CFAP74: variants seen among roughly 807,000 people sequenced by gnomAD.
CFAP74 encodes cilia- and flagella-associated protein 74.
Under a neutral mutation model 188.9 loss-of-function variants are expected in CFAP74, and 124 were observed. The observed-to-expected ratio is 0.66, with a 90% CI of 0.57 to 0.76. The LOEUF is 0.76. Ranked by LOEUF, CFAP74 falls within the 30% of genes least tolerant of loss-of-function variation. The pLI is 0.00. For missense variants in CFAP74, 2,198 were observed against 2,165.2 expected, an observed-to-expected ratio of 1.02 and a Z score of -0.30; for synonymous variants, 956 against 916.7, an observed-to-expected ratio of 1.04 and a Z score of -0.77.
rs1162829555 is a variant in CFAP74 at position 1,927,708 on chromosome 1, A to G, written c.3426T>C (p.His1142=). ...KNMAPQRKDL[H]GLSFSVLRAQ... ...CTCGAAGAACGGAGAATGACAGTCC[A>G]TGCAGGTCCTTCCTCTGGGGGGCCA... Residue 1142 remains histidine (H), a synonymous_variant, in exon 28 of 39, where the codon CAT becomes CAC. Coordinates refer to ENST00000682832, the MANE Select transcript of CFAP74 (RefSeq NM_001304360.2). 7.1e-6 allele frequency: 11 copies of G among 1,550,052 alleles called. No individual in the cohort carries two copies. The highest frequency in any genetic ancestry group is 6.8e-5 in the African/African-American group (5 of 73,056).
intron 6 of CFAP74, 137 bp downstream of exon 6, chr1:1,985,249 G>A (rs1657157477): frequency 2.9e-6 from 2 of 678,564 alleles, no homozygotes; most frequent in South Asian, 3.5e-5. Context: ...TGCATTCACC[G>A]AGTCCCCTTT....
At chr1:1,951,402 T>C (rs1654194609) in intron 18 of CFAP74, among the ~76,000 whole-genome samples, 2 of 152,314 alleles carry the variant, frequency 1.3e-5, no homozygotes. Context: ...GCCTCACTTG[T>C]TGAAAAGACT....
At chr1:1,991,028 C>A in intron 1 of CFAP74, 53 bp from the exon 2 acceptor site, 1 of 1,237,082 alleles carries the variant, frequency 8.1e-7, no homozygotes, top group Non-Finnish European at 1.1e-6. Flanking sequence ...ATTTAAAAGA[C>A]GGTGAATTAA....
At chr1:1,951,510 A>G (rs2490564) in intron 18 of CFAP74, among the ~76,000 whole-genome samples, 125,221 of 152,168 alleles carry the variant, frequency 0.82, 51,679 homozygotes, top group East Asian at 0.86. Flanking sequence ...TTGGGTCTCT[A>G]TCTCTGTTCA....
chr1:1,977,696 C>T (rs1437749012), intron 6 of CFAP74, among the ~76,000 whole-genome samples: 1 of 152,180 alleles, frequency 6.6e-6, no homozygotes, highest in Admixed American at 6.5e-5. Context: ...CACCAGCTCA[C>T]CCACCCACTG....
At chr1:1,996,417 A>G (rs1657914528) in intron 1 of CFAP74, among the ~76,000 whole-genome samples, 1 of 152,206 alleles carries the variant, frequency 6.6e-6, no homozygotes. Context: ...TTAGGCAAAA[A>G]GCAGGAACGG....
intron 18 of CFAP74, among the ~76,000 whole-genome samples, chr1:1,949,002 C>T (rs1654015125): frequency 1.1e-5 from 1 of 87,202 alleles, no homozygotes; most frequent in Non-Finnish European, 2.3e-5. Flanking sequence ...TCATTCCCTT[C>T]CTTCCCCTTC....
At chr1:1,995,799 T>A (rs1657886680) in intron 1 of CFAP74, among the ~76,000 whole-genome samples, 1 of 150,910 alleles carries the variant, frequency 6.6e-6, no homozygotes, top group Admixed American at 6.6e-5. Context: ...TCCCAGCTAC[T>A]CAGGAGGCTG....
chr1:1,945,350 C>T (rs1653679289), intron 20 of CFAP74, among the ~76,000 whole-genome samples: 1 of 152,116 alleles, frequency 6.6e-6, no homozygotes, highest in South Asian at 2.1e-4. Flanking sequence ...CAGCAAGCCC[C>T]GGGCTGGGGA....
At chr1:2,001,913 C>T (rs987671315) in intron 1 of CFAP74, among the ~76,000 whole-genome samples, 8 of 152,136 alleles carry the variant, frequency 5.3e-5, no homozygotes, top group Non-Finnish European at 1.0e-4. Flanking sequence ...GTCATGACAG[C>T]CAAAGCAAGG....
At position 1,942,093 on chromosome 1, in the gene CFAP74, G is replaced by C; in HGVS notation, c.2550C>G (p.Leu850=). 6.5e-7 allele frequency: 1 copy of C among 1,532,544 alleles called. No individual in the cohort carries two copies. The highest frequency in any genetic ancestry group is 8.7e-7 in the Non-Finnish European group (1 of 1,145,492). The allele number at this position is 1,532,544 out of a possible 1,614,324, so 94.9% of individuals were successfully genotyped here. Residue 850 remains leucine (L), a synonymous_variant, in exon 22 of 39, where the codon CTC becomes CTG. Transcript: ENST00000682832. The surrounding 1 kb of genome is among the most constrained non-coding windows in gnomAD (Gnocchi z 4.3). ...VCKELRAHLE[L]LPKTGYIQAQ... is the part of the protein sequence containing the mutation. ...CCTGGATATAGCCTGTCTTGGGCAG[G>C]AGCTCCAGGTGGGCCCTCAGCTCCT...
chr1:1,975,598 G>T lies in CFAP74; in HGVS notation c.501-1400C>A, dbSNP rs888948163. On this transcript the variant is annotated intron_variant, in intron 6 of 38. Coordinates refer to ENST00000682832, the MANE Select transcript of CFAP74 (RefSeq NM_001304360.2). This position sits in a 1 kb window ranked among gnomAD's most constrained non-coding sequence, Gnocchi z 4.5. ...TTGTTGGGGTAATTTTAAACAGAGG[G>T]CTCCTTTCCAGGGAGCATGGGTCAC... Among the ~76,000 whole-genome samples the T allele has an allele frequency of 1.3e-5, 2 of 152,150 alleles. No homozygotes were observed. Among genetic ancestry groups the T allele is most frequent in the Non-Finnish European group, 2.9e-5 (2 of 68,032 alleles).
chr1:1,929,893 G>C (rs1199940315), intron 26 of CFAP74, among the ~76,000 whole-genome samples, 167 bp downstream of exon 26: 4 of 152,076 alleles, frequency 2.6e-5, no homozygotes, highest in African/African-American at 9.7e-5. Flanking sequence ...CATTGGCCAT[G>C]GATCCTTCCT....
chr1:1,970,928 T>TAC, intron 9 of CFAP74, 112 bp from the exon 10 acceptor site: 1 of 1,314,860 alleles, frequency 7.6e-7, no homozygotes, highest in East Asian at 2.4e-5. Flanking sequence ...TGCACACACG[T>TAC]GCACACACAC....
intron 6 of CFAP74, among the ~76,000 whole-genome samples, chr1:1,976,476 C>T (rs540462731): frequency 1.4e-4 from 22 of 152,246 alleles, no homozygotes; most frequent in African/African-American, 2.4e-4. Flanking sequence ...CGAGGCGCCC[C>T]GAGAAGCAGA....
intron 25 of CFAP74, among the ~76,000 whole-genome samples, chr1:1,937,587 C>T (rs921815435): frequency 1.4e-4 from 21 of 152,198 alleles, no homozygotes; most frequent in African/African-American, 4.3e-4. Context: ...CGGCTCACAT[C>T]GGAAACAAAA....
intron 29 of CFAP74, 51 bp from the exon 30 acceptor site, chr1:1,926,812 C>T (rs1427940753): frequency 1.3e-6 from 2 of 1,548,326 alleles, no homozygotes; most frequent in African/African-American, 1.4e-5. Flanking sequence ...CCCTGCCCGC[C>T]CAGGCCCCAG....
chr1:1,951,827 T>C (rs973271884), intron 18 of CFAP74, among the ~76,000 whole-genome samples: 2 of 151,720 alleles, frequency 1.3e-5, no homozygotes, highest in Admixed American at 1.3e-4. Context: ...TCTTAGCACT[T>C]TGGGAGGCTG....
intron 25 of CFAP74, among the ~76,000 whole-genome samples, chr1:1,936,224 AAAAAAAAG>A (rs1326325840): frequency 6.7e-6 from 1 of 148,950 alleles, no homozygotes; most frequent in Non-Finnish European, 1.5e-5. Context: ...TCTCAAAAAA[AAAAAAAAG>A]AAAAAAAGAA....
Sources: gnomAD v4.1 joint callset for allele counts (sites outside exome capture counted in the v4.1 genomes callset) on GRCh38, gnomAD v4.1.1 for gene constraint, Gnocchi (gnomAD v3.1) non-coding constraint, MANE v1.5 for transcripts, NCBI Gene and HGNC (gene_info 2026-07-23, HGNC 2026-07-21) for gene names.